The following FNDC3A variants were observed in gnomAD, a reference collection of about 807,000 sequenced individuals.
FNDC3A encodes the protein fibronectin type-III domain-containing protein 3A.
FNDC3A carries 32 observed loss-of-function variants against 148.9 expected under a neutral mutation model. The observed-to-expected ratio is 0.21, with a 90% CI of 0.16 to 0.29. The LOEUF (loss-of-function observed/expected upper bound fraction) is 0.29, where lower values mean the gene tolerates loss of function less well. FNDC3A is among the 10% of genes least tolerant of loss of function. FNDC3A has a pLI of 1.00. For missense variants in FNDC3A, 1,191 were observed against 1,452.8 expected (o/e 0.82, Z 2.93); for synonymous variants, 472 against 473.6 (o/e 1.00, Z 0.04).
intron 3 of FNDC3A, among the ~76,000 whole-genome samples, chr13:49,085,394 C>T (rs1233950778): frequency 1.3e-5 from 2 of 152,108 alleles, no homozygotes; most frequent in African/African-American, 4.8e-5. Context: ...AAGCAAAGCC[C>T]TCTTCTCTCA....
rs542115584 is a variant in FNDC3A, at chr13:49,172,253, A to C, written c.1230+157A>C. On this transcript the variant is annotated intron_variant, in intron 11 of 25. Transcript: ENST00000492622. ...ATGAGTGGATTGATGGTGTTTTCAG[A>C]AAACATTCCTGACTTAACTTCCCTA... 2.8e-4 allele frequency among the ~76,000 whole-genome samples: 43 copies of C among 152,336 alleles called. No individual in the cohort carries two copies. The South Asian group carries it at 8.7e-3, about 31-fold the overall frequency.
intron 2 of FNDC3A, among the ~76,000 whole-genome samples, chr13:49,069,529 C>G (rs947647118): frequency 2.0e-5 from 3 of 152,180 alleles, no homozygotes; most frequent in African/African-American, 7.2e-5. Flanking sequence ...TTATTCTTCT[C>G]TAGGCCTTCC....
chr13:49,170,549 C>G (rs1251644867), intron 10 of FNDC3A, among the ~76,000 whole-genome samples: 2 of 152,114 alleles, frequency 1.3e-5, no homozygotes, highest in South Asian at 2.1e-4. Context: ...TTGCCAGTCC[C>G]CCAAGGCAGA....
intron 1 of FNDC3A, among the ~76,000 whole-genome samples, chr13:49,003,057 A>G (rs1952154631): frequency 6.6e-6 from 1 of 151,814 alleles, no homozygotes; most frequent in South Asian, 2.1e-4. Flanking sequence ...AGTCTTTTTC[A>G]TTTCATTTTC....
intron 3 of FNDC3A, among the ~76,000 whole-genome samples, chr13:49,082,344 C>G (rs1490374182): frequency 6.6e-6 from 1 of 151,994 alleles, no homozygotes; most frequent in Non-Finnish European, 1.5e-5. Flanking sequence ...TGAGATCCTG[C>G]CACTGCACTC....
intron 2 of FNDC3A, among the ~76,000 whole-genome samples, chr13:49,047,745 C>T (rs1209959303): frequency 6.6e-6 from 1 of 152,160 alleles, no homozygotes; most frequent in African/African-American, 2.4e-5. Flanking sequence ...TGTGGGTTGT[C>T]TGCTAACTCT....
intron 2 of FNDC3A, among the ~76,000 whole-genome samples, chr13:49,042,746 C>T (rs1028313948): frequency 6.6e-6 from 1 of 152,054 alleles, no homozygotes. Flanking sequence ...CACTGTACTC[C>T]AGCCTAGGCA....
intron 1 of FNDC3A, among the ~76,000 whole-genome samples, chr13:48,986,385 G>GGTTTT (rs1951795265): frequency 1.8e-5 from 1 of 54,412 alleles, no homozygotes; most frequent in Non-Finnish European, 3.1e-5. Flanking sequence ...GAAGGAAGTT[G>GGTTTT]TTTTTTTTTT....
intron 3 of FNDC3A, among the ~76,000 whole-genome samples, chr13:49,085,928 G>C (rs1878779049): frequency 6.6e-6 from 1 of 150,788 alleles, no homozygotes; most frequent in Non-Finnish European, 1.5e-5. Flanking sequence ...TCTTGCCCAG[G>C]CTGGAGTGCA....
chr13:49,080,193 C>T (rs1878380107), intron 3 of FNDC3A, among the ~76,000 whole-genome samples: 1 of 152,080 alleles, frequency 6.6e-6, no homozygotes, highest in East Asian at 1.9e-4. Context: ...TCTATTGTCC[C>T]ATACCATTTT....
chr13:49,169,804 G>T (rs1288986942), intron 10 of FNDC3A, among the ~76,000 whole-genome samples: 4 of 152,136 alleles, frequency 2.6e-5, no homozygotes, highest in African/African-American at 9.7e-5. Context: ...AGATACTTTT[G>T]TAGTCAAAAA....
chr13:49,152,739 G>A (rs1438431080), intron 8 of FNDC3A, among the ~76,000 whole-genome samples: 4 of 145,514 alleles, frequency 2.7e-5, no homozygotes, highest in Admixed American at 7.2e-5. Context: ...TCATTGTTCA[G>A]TTCCCACCTA....
At position 49,071,061 on chromosome 13, in the gene FNDC3A, C is replaced by CTTTT. The variant is rs35935869; in HGVS notation, c.100-4212_100-4209dup. Among the ~76,000 whole-genome samples the CTTTT allele has an allele frequency of 4.0e-4, 34 of 84,710 alleles. 1 individual carries two copies. The highest frequency in any genetic ancestry group is 5.1e-4 in the Admixed American group (3 of 5,860). The allele number at this position is 84,710 out of a possible 152,430, so 55.6% of individuals were successfully genotyped here. On this transcript the variant is annotated intron_variant, in intron 2 of 25. Coordinates refer to ENST00000492622, the MANE Select transcript of FNDC3A (RefSeq NM_001079673.2). ...CTACAGGCATGTACCCCCATGCCGG[C>CTTTT]TTTTTTTTTTTTTTTTTTTGTAGAG...
At chr13:49,133,316 A>C (rs1470257325) in intron 5 of FNDC3A, among the ~76,000 whole-genome samples, 1 of 152,174 alleles carries the variant, frequency 6.6e-6, no homozygotes, top group Non-Finnish European at 1.5e-5. Context: ...TTTTTCTTAT[A>C]ATCTGAGAAA....
At chr13:49,205,517 C>CA (rs1484738138) in intron 25 of FNDC3A, among the ~76,000 whole-genome samples, 1 of 152,102 alleles carries the variant, frequency 6.6e-6, no homozygotes, top group Admixed American at 6.5e-5. Flanking sequence ...ATATGACACT[C>CA]AAAGGAAATG....
At chr13:49,187,349 T>A (rs1885631994) in intron 16 of FNDC3A, 159 bp downstream of exon 16, 1 of 848,746 alleles carries the variant, frequency 1.2e-6, no homozygotes, top group Admixed American at 2.7e-5. Context: ...CTGGATTTTT[T>A]TTTTTTAATG....
Position 49,208,700 on chromosome 13 carries a change from A to G in FNDC3A, c.*1305A>G, listed in dbSNP as rs1450360597. On this transcript the variant is annotated 3_prime_UTR_variant, in exon 26 of 26. Transcript: ENST00000492622. The stretch of plus-strand genomic sequence containing the variant: ...ATGACTGCAAGTAATAATACAGTTT[A>G]TAATGAAACTATCTACAATTCTTGT... 2.0e-5 allele frequency: 3 copies of G among 152,674 alleles called. No individual in the cohort carries two copies. The highest frequency in any genetic ancestry group is 1.9e-4 in the East Asian group (1 of 5,208). The allele number at this position is 152,674 out of a possible 1,614,324, so 9.5% of individuals were successfully genotyped here.
chr13:49,186,303 G>A (rs962668183), intron 15 of FNDC3A, among the ~76,000 whole-genome samples: 1 of 152,020 alleles, frequency 6.6e-6, no homozygotes, highest in African/African-American at 2.4e-5. Flanking sequence ...ATGATAAAAA[G>A]GAACTTGCGA....
At position 49,207,188 on chromosome 13, in the gene FNDC3A, C is replaced by G. The variant is rs1162450778; in HGVS notation, c.3390C>G (p.His1130Gln). 1 of 1,614,054 alleles carries G rather than the reference C, an allele frequency of 6.2e-7. No individual in the cohort carries two copies. The highest frequency in any genetic ancestry group is 1.7e-5 in the Admixed American group (1 of 60,026). The change falls in exon 26 of 26, where the codon CAC becomes CAG. Residue 1130 changes from histidine to glutamine, a missense_variant. By Grantham distance (24) the His-to-Gln change is conservative (BLOSUM62 0). Transcript: ENST00000492622. ...GCCAGTGCCAAGACTCTCTGGGACA[C>G]CAGGACCTCGTAGGTCCCTACAGCA... Reference protein sequence around the residue: ...AIRQCQDSLGHQDLVGPYSTT... With the variant: ...AIRQCQDSLGQQDLVGPYSTT...
Sources: gnomAD v4.1 joint callset for allele counts (sites outside exome capture counted in the v4.1 genomes callset) on GRCh38, gnomAD v4.1.1 for gene constraint, MANE v1.5 for transcripts, NCBI Gene and HGNC (gene_info 2026-07-23, HGNC 2026-07-21) for gene names.